The following KREMEN1 variants were observed in gnomAD, a reference collection of about 807,000 sequenced individuals.
The protein encoded by KREMEN1 is kringle containing transmembrane protein 1.
A neutral mutation model predicts 46.5 loss-of-function variants in KREMEN1; 30 were observed. The observed-to-expected ratio is 0.65, with a 90% CI of 0.48 to 0.88. The LOEUF is 0.88. Ranked by LOEUF, KREMEN1 falls within the 40% of genes least tolerant of loss-of-function variation. The pLI is 0.00. For synonymous variants in KREMEN1, 214 were observed against 230.6 expected (o/e 0.93, Z 0.65); for missense variants, 533 against 596.9 (o/e 0.89, Z 1.11).
At chr22:29,131,499 G>T (rs1311299645) in intron 5 of KREMEN1, among the ~76,000 whole-genome samples, 1 of 131,542 alleles carries the variant, frequency 7.6e-6, no homozygotes, top group Non-Finnish European at 1.5e-5. Flanking sequence ...CAACTCCTCA[G>T]CAACAACTGA....
intron 1 of KREMEN1, among the ~76,000 whole-genome samples, chr22:29,081,978 A>G (rs879915770): frequency 6.6e-6 from 1 of 152,204 alleles, no homozygotes; most frequent in Non-Finnish European, 1.5e-5. Context: ...TCTGGCTTCC[A>G]TGGAGTATTG....
intron 1 of KREMEN1, among the ~76,000 whole-genome samples, chr22:29,075,710 TAC>T (rs912973315): frequency 7.3e-5 from 11 of 151,358 alleles, no homozygotes; most frequent in African/African-American, 2.2e-4. Context: ...CACACACACA[TAC>T]ACACACACAC....
intron 9 of KREMEN1, among the ~76,000 whole-genome samples, chr22:29,165,355 T>C (rs2084691960): frequency 6.6e-6 from 1 of 151,966 alleles, no homozygotes; most frequent in South Asian, 2.1e-4. Flanking sequence ...TGAGCCACGA[T>C]TGTGCCACTG....
chr22:29,162,200 T>C (rs947381008), intron 9 of KREMEN1, among the ~76,000 whole-genome samples: 3 of 151,504 alleles, frequency 2.0e-5, no homozygotes, highest in African/African-American at 7.3e-5. Context: ...CATGAATCAA[T>C]AAATGTGATT....
chr22:29,098,239 C>T (rs2037914407), intron 2 of KREMEN1, among the ~76,000 whole-genome samples: 1 of 151,476 alleles, frequency 6.6e-6, no homozygotes, highest in Non-Finnish European at 1.5e-5. Context: ...ATTAATAAGA[C>T]TGGTCTCTAT....
chr22:29,122,961 A>AG (rs1239863764), intron 4 of KREMEN1, among the ~76,000 whole-genome samples: 10 of 149,646 alleles, frequency 6.7e-5, no homozygotes, highest in South Asian at 6.4e-4. Flanking sequence ...AAAAAAAAAA[A>AG]AAAAAGACAT....
intron 4 of KREMEN1, 64 bp from the exon 5 acceptor site, chr22:29,125,199 G>T (rs1383294388): frequency 1.3e-6 from 2 of 1,576,990 alleles, no homozygotes; most frequent in South Asian, 1.1e-5. Context: ...ACCCTGCCAG[G>T]CTCCTTCAGG....
At chr22:29,108,719 T>A (rs1035144738) in intron 3 of KREMEN1, among the ~76,000 whole-genome samples, 2 of 152,236 alleles carry the variant, frequency 1.3e-5, no homozygotes, top group African/African-American at 4.8e-5. Flanking sequence ...GGAGCAGGCA[T>A]CAGCTGCTGC....
chr22:29,093,206 G>A (rs2037829130), intron 1 of KREMEN1, among the ~76,000 whole-genome samples: 1 of 152,138 alleles, frequency 6.6e-6, no homozygotes, highest in Non-Finnish European at 1.5e-5. Flanking sequence ...GTAGGCACAT[G>A]GATGACAACA....
chr22:29,121,571 A>T, intron 4 of KREMEN1, 90 bp downstream of exon 4: 1 of 1,424,030 alleles, frequency 7.0e-7, no homozygotes, highest in East Asian at 2.3e-5. Flanking sequence ...GCTAAGTAAA[A>T]TAAGCCAGAC....
chr22:29,146,866 C>T (rs1193767290), downstream of KREMEN1: 5 of 864,194 alleles, frequency 5.8e-6, no homozygotes, highest in East Asian at 1.2e-4. Flanking sequence ...CCCCAGAGAG[C>T]GTGGGACAAG....
chr22:29,089,491 C>T (rs552159513), intron 1 of KREMEN1, among the ~76,000 whole-genome samples: 3 of 152,316 alleles, frequency 2.0e-5, no homozygotes, highest in Admixed American at 2.0e-4. Flanking sequence ...GTTTCTCGCC[C>T]ATCCTTCTAC....
intron 5 of KREMEN1, among the ~76,000 whole-genome samples, chr22:29,137,028 C>T (rs371896988): frequency 6.6e-5 from 10 of 152,198 alleles, no homozygotes; most frequent in Admixed American, 5.9e-4. Flanking sequence ...AAGAGGCCCG[C>T]GAGTGAAGTG....
At chr22:29,097,416 A>C (rs1741124692) in intron 2 of KREMEN1, among the ~76,000 whole-genome samples, 1 of 152,196 alleles carries the variant, frequency 6.6e-6, no homozygotes. Flanking sequence ...AGCTTTAAAA[A>C]ATATTATCTC....
At chr22:29,132,776 AT>A (rs1195027390) in intron 5 of KREMEN1, among the ~76,000 whole-genome samples, 1 of 152,054 alleles carries the variant, frequency 6.6e-6, no homozygotes, top group African/African-American at 2.4e-5. Context: ...TTTCACCTGC[AT>A]TTTTTTGAGT....
intron 5 of KREMEN1, among the ~76,000 whole-genome samples, chr22:29,126,115 CAAA>C (rs5844835): frequency 9.8e-5 from 14 of 143,558 alleles, no homozygotes; most frequent in Non-Finnish European, 1.1e-4. Context: ...TGGAGGCAGA[CAAA>C]AAAAAAAAAA....
chr22:29,127,045 G>A (rs558016747), intron 5 of KREMEN1, among the ~76,000 whole-genome samples: 3 of 152,342 alleles, frequency 2.0e-5, no homozygotes, highest in Non-Finnish European at 4.4e-5. Context: ...ACTCAGGAGA[G>A]TAAGTTTTCT....
intron 5 of KREMEN1, among the ~76,000 whole-genome samples, chr22:29,129,865 C>T (rs114237137): frequency 0.01 from 1,595 of 152,266 alleles, 29 homozygotes; most frequent in African/African-American, 0.037. Context: ...GTACTGTGGG[C>T]AAGCACAACA....
intron 9 of KREMEN1, among the ~76,000 whole-genome samples, chr22:29,155,052 C>A (rs1424390428): frequency 6.6e-6 from 1 of 151,512 alleles, no homozygotes; most frequent in Non-Finnish European, 1.5e-5. Context: ...AGTGCTTCTA[C>A]ACACACTGTA....
Sources: gnomAD v4.1 joint callset for allele counts (sites outside exome capture counted in the v4.1 genomes callset) on GRCh38, gnomAD v4.1.1 for gene constraint, MANE v1.5 for transcripts, NCBI Gene and HGNC (gene_info 2026-07-23, HGNC 2026-07-21) for gene names.